DMD: variants seen among roughly 807,000 people sequenced by gnomAD.
The protein encoded by DMD is dystrophin.
A neutral mutation model predicts 330.1 loss-of-function variants in DMD; 63 were observed. The ratio of observed to expected loss-of-function variants is 0.19; its 90% CI spans 0.16 to 0.24. The LOEUF (loss-of-function observed/expected upper bound fraction) is 0.24, where lower values mean the gene tolerates loss of function less well. Ranked by LOEUF, DMD falls within the 10% of genes least tolerant of loss-of-function variation. The pLI is 1.00. For synonymous variants in DMD, 1,223 were observed against 959.8 expected, an observed-to-expected ratio of 1.27 and a Z score of -5.07; for missense variants, 3,344 against 2,684.1, an observed-to-expected ratio of 1.25 and a Z score of -5.43.
intron 61 of DMD, among the ~76,000 whole-genome samples, chrX:31,347,636 T>C (rs11797959): frequency 0.16 from 18,187 of 111,884 alleles, 1,353 homozygotes; most frequent in African/African-American, 0.27. Context: ...TCTGTTGATA[T>C]ACACTTAGGT....
rs761715472 is a variant in DMD, at chrX:32,280,874, T to A, written c.6290+6655A>T. 8.0e-5 allele frequency among the ~76,000 whole-genome samples: 9 copies of A among 112,502 alleles called. No individual in the cohort carries two copies. In the East Asian group the frequency reaches 2.5e-3, roughly 31 times the overall value. ...AATGTCTCAGTAGAAAGATTACAACTGAGATAGCAAATTCTTATCAGAAAC... is the reference window on the plus strand; with the variant it reads ...AATGTCTCAGTAGAAAGATTACAACAGAGATAGCAAATTCTTATCAGAAAC... On this transcript the variant is annotated intron_variant, in intron 43 of 78. Coordinates refer to ENST00000357033, the MANE Select transcript of DMD (RefSeq NM_004006.3).
intron 44 of DMD, among the ~76,000 whole-genome samples, chrX:32,054,889 G>GGAGGGGAGGA (rs2096155841): frequency 1.0e-5 from 1 of 95,441 alleles, no homozygotes; most frequent in Non-Finnish European, 2.1e-5. Flanking sequence ...GGAGGGGAGG[G>GGAGGGGAGGA]GAGGGGAGGA....
Position 33,169,442 on chromosome X carries a change from A to G in DMD, c.31+41840T>C, listed in dbSNP as rs73621888. Among the ~76,000 whole-genome samples the G allele has an allele frequency of 5.6e-3, 621 of 111,631 alleles. 1 individual carries two copies. Among genetic ancestry groups the G allele is most frequent in the African/African-American group, 0.018 (562 of 30,944 alleles). On this transcript the variant is annotated intron_variant, in intron 1 of 78. Coordinates refer to ENST00000357033, the MANE Select transcript of DMD (RefSeq NM_004006.3). ...TCAAGTGTTTGCTTCAAAGGACAAA[A>G]CAAAGACAGATGCTCCCTTCCAGCC... is the stretch of plus-strand genomic sequence containing the variant.
chrX:31,322,448 C>A (rs2056493430), intron 62 of DMD, among the ~76,000 whole-genome samples: 1 of 111,485 alleles, frequency 9.0e-6, no homozygotes, highest in Non-Finnish European at 1.9e-5. Flanking sequence ...AATATGAAAA[C>A]TAAAAAGCAG....
At chrX:33,089,037 C>T (rs2095049048) in intron 1 of DMD, among the ~76,000 whole-genome samples, 1 of 107,219 alleles carries the variant, frequency 9.3e-6, no homozygotes, top group African/African-American at 3.4e-5. Flanking sequence ...CATGAGGAGG[C>T]TCATGATATC....
intron 60 of DMD, among the ~76,000 whole-genome samples, chrX:31,384,309 CACTACT>C (rs79171547): frequency 0.11 from 9,669 of 91,194 alleles, 501 homozygotes; most frequent in African/African-American, 0.17. Context: ...TATCCTGCTT[CACTACT>C]ACTACTACTA....
chrX:31,179,347 C>A (rs1201349486), intron 69 of DMD, among the ~76,000 whole-genome samples: 2 of 112,592 alleles, frequency 1.8e-5, no homozygotes. Flanking sequence ...CAGAGCTTCT[C>A]ATACTTTGTT....
intron 2 of DMD, among the ~76,000 whole-genome samples, chrX:33,016,901 A>G (rs780362971): frequency 4.5e-5 from 5 of 112,026 alleles, no homozygotes; most frequent in African/African-American, 6.5e-5. Context: ...TGCGAATCAT[A>G]TTTGTCATAG....
chrX:32,388,576 T>C (rs1282639132), intron 32 of DMD, among the ~76,000 whole-genome samples: 1 of 110,398 alleles, frequency 9.1e-6, no homozygotes, highest in Non-Finnish European at 1.9e-5. Context: ...TTTTAAGATA[T>C]TTGTTAAAAA....
intron 44 of DMD, among the ~76,000 whole-genome samples, chrX:32,160,952 A>C (rs1437684996): frequency 1.8e-5 from 2 of 111,732 alleles, no homozygotes; most frequent in African/African-American, 6.5e-5. Flanking sequence ...GAAAACAATA[A>C]ATTCCTACTT....
intron 5 of DMD, among the ~76,000 whole-genome samples, chrX:32,819,071 C>T (rs1309838947): frequency 3.9e-5 from 4 of 101,513 alleles, no homozygotes; most frequent in Non-Finnish European, 7.9e-5. Flanking sequence ...AACTCAACTC[C>T]GAAGTCTACT....
intron 12 of DMD, among the ~76,000 whole-genome samples, chrX:32,600,223 T>C (rs1181665662): frequency 8.9e-6 from 1 of 112,242 alleles, no homozygotes; most frequent in Non-Finnish European, 1.9e-5. Context: ...GTGTTTATTC[T>C]AGATCTATGC....
chrX:32,408,180 C>A (rs1384342153), intron 30 of DMD, among the ~76,000 whole-genome samples: 1 of 111,552 alleles, frequency 9.0e-6, no homozygotes, highest in African/African-American at 3.3e-5. Flanking sequence ...ACTCCTAGGT[C>A]AACACATGCT....
At chrX:32,252,877 A>AAAATATATAT (rs1327065612) in intron 43 of DMD, among the ~76,000 whole-genome samples, 1 of 58,829 alleles carries the variant, frequency 1.7e-5, no homozygotes, top group African/African-American at 7.4e-5. Context: ...TAAATATATA[A>AAAATATATAT]AAATATATAT....
chrX:31,844,909 G>A (rs1228273651), intron 48 of DMD, among the ~76,000 whole-genome samples: 7 of 110,603 alleles, frequency 6.3e-5, no homozygotes, highest in Non-Finnish European at 9.4e-5. Context: ...AGATTACAGT[G>A]TAGTGTACAC....
chrX:33,026,270 G>T (rs765904113), intron 1 of DMD, among the ~76,000 whole-genome samples: 4 of 86,333 alleles, frequency 4.6e-5, no homozygotes, highest in Admixed American at 1.5e-4. Context: ...AGCCAAGATC[G>T]TGCCACTGCG....
At chrX:31,517,958 CACACA>C (rs1235081183) in intron 55 of DMD, among the ~76,000 whole-genome samples, 4 of 108,001 alleles carry the variant, frequency 3.7e-5, no homozygotes, top group African/African-American at 1.4e-4. Flanking sequence ...CACACACACA[CACACA>C]CCTTGGGGCC....
intron 50 of DMD, among the ~76,000 whole-genome samples, chrX:31,783,745 AAC>A (rs1316957772): frequency 1.8e-5 from 2 of 111,622 alleles, no homozygotes; most frequent in African/African-American, 6.5e-5. Context: ...AAATTAATAT[AAC>A]AGAGTTATGT....
At chrX:31,202,164 C>A (rs748214163) in intron 67 of DMD, among the ~76,000 whole-genome samples, 1 of 111,100 alleles carries the variant, frequency 9.0e-6, no homozygotes, top group African/African-American at 3.3e-5. Context: ...CCAGCCTGGG[C>A]GACAGAGGGA....
Sources: gnomAD v4.1 joint callset for allele counts (sites outside exome capture counted in the v4.1 genomes callset) on GRCh38, gnomAD v4.1.1 for gene constraint, MANE v1.5 for transcripts, NCBI Gene and HGNC (gene_info 2026-07-23, HGNC 2026-07-21) for gene names.